The following ARHGAP26 variants were observed in gnomAD, a reference collection of about 807,000 sequenced individuals.
ARHGAP26 encodes the protein rho GTPase-activating protein 26.
A neutral mutation model predicts 104.8 loss-of-function variants in ARHGAP26; 38 were observed. The observed-to-expected ratio is 0.36, with a 90% CI of 0.28 to 0.48. The LOEUF is 0.48. Ranked by LOEUF, ARHGAP26 falls within the 20% of genes least tolerant of loss-of-function variation. The probability of loss-of-function intolerance (pLI) is 0.99; values close to 1 mark genes in which losing one functional copy is unlikely to be tolerated. For missense variants in ARHGAP26, 704 were observed against 947.9 expected, an observed-to-expected ratio of 0.74 and a Z score of 3.38; for synonymous variants, 341 against 340.0, an observed-to-expected ratio of 1.00 and a Z score of -0.03.
chr5:142,981,709 C>T (rs1013600865), intron 11 of ARHGAP26, among the ~76,000 whole-genome samples: 6 of 152,166 alleles, frequency 3.9e-5, no homozygotes, highest in Admixed American at 6.5e-5. Flanking sequence ...GGATTAATTG[C>T]GTCTTCCTTC....
chr5:142,900,305 C>A (rs28052), intron 6 of ARHGAP26, among the ~76,000 whole-genome samples: 2 of 151,914 alleles, frequency 1.3e-5, no homozygotes, highest in South Asian at 4.1e-4. Flanking sequence ...CTAGTGACTC[C>A]ATGGGGCTTA....
At chr5:142,803,218 A>G (rs1762393292) in intron 1 of ARHGAP26, among the ~76,000 whole-genome samples, 1 of 152,218 alleles carries the variant, frequency 6.6e-6, no homozygotes, top group African/African-American at 2.4e-5. Context: ...CACCCAGTAA[A>G]ATTTGAACTT....
intron 12 of ARHGAP26, among the ~76,000 whole-genome samples, chr5:143,035,626 A>G (rs550265102): frequency 1.3e-5 from 2 of 152,258 alleles, no homozygotes; most frequent in South Asian, 4.1e-4. Context: ...AAATCTCACA[A>G]GTCACCACTA....
intron 1 of ARHGAP26, among the ~76,000 whole-genome samples, chr5:142,847,594 T>C (rs1357739662): frequency 6.6e-6 from 1 of 152,176 alleles, no homozygotes; most frequent in Non-Finnish European, 1.5e-5. Context: ...GGACCTCAGG[T>C]GATCCGCCCA....
At chr5:143,142,451 T>G (rs1798671901) in intron 19 of ARHGAP26, among the ~76,000 whole-genome samples, 1 of 151,990 alleles carries the variant, frequency 6.6e-6, no homozygotes, top group African/African-American at 2.4e-5. Context: ...ACTTTTCAAC[T>G]CAATGTATAG....
intron 1 of ARHGAP26, among the ~76,000 whole-genome samples, chr5:142,820,389 C>G (rs1390771042): frequency 3.3e-5 from 5 of 152,090 alleles, no homozygotes; most frequent in South Asian, 2.1e-4. Flanking sequence ...TTTCTTTTCC[C>G]TGATCAGTCA....
chr5:143,126,804 A>G (rs1369668434), intron 18 of ARHGAP26, among the ~76,000 whole-genome samples: 1 of 152,190 alleles, frequency 6.6e-6, no homozygotes, highest in African/African-American at 2.4e-5. Context: ...CAGATGGCAA[A>G]GATTTTGGCT....
intron 17 of ARHGAP26, among the ~76,000 whole-genome samples, chr5:143,071,195 T>C (rs1028250914): frequency 2.6e-5 from 4 of 151,998 alleles, no homozygotes; most frequent in African/African-American, 9.7e-5. Flanking sequence ...AGAACAAAGC[T>C]AGAGGTATCA....
At chr5:142,806,970 C>T (rs1192970496) in intron 1 of ARHGAP26, among the ~76,000 whole-genome samples, 1 of 152,200 alleles carries the variant, frequency 6.6e-6, no homozygotes, top group South Asian at 2.1e-4. Flanking sequence ...GCACTGGATC[C>T]AAAGTGTGAA....
At chr5:142,826,631 C>G (rs1296524687) in intron 1 of ARHGAP26, among the ~76,000 whole-genome samples, 1 of 152,286 alleles carries the variant, frequency 6.6e-6, no homozygotes, top group East Asian at 1.9e-4. Context: ...TTCTCTCTCA[C>G]AGGATTTTAG....
At chr5:143,219,036 C>T (rs994447043) in intron 22 of ARHGAP26, among the ~76,000 whole-genome samples, 2 of 152,238 alleles carry the variant, frequency 1.3e-5, no homozygotes, top group East Asian at 3.8e-4. Flanking sequence ...GTGTGAAGTG[C>T]GTATTCGCAA....
chr5:143,088,986 C>G (rs1040064511), intron 17 of ARHGAP26, among the ~76,000 whole-genome samples: 1 of 151,660 alleles, frequency 6.6e-6, no homozygotes, highest in Non-Finnish European at 1.5e-5. Flanking sequence ...AGTAGGTAAT[C>G]GGAATGAGTC....
chr5:142,933,200 A>G (rs1311788622), intron 11 of ARHGAP26, among the ~76,000 whole-genome samples: 1 of 152,204 alleles, frequency 6.6e-6, no homozygotes, highest in Non-Finnish European at 1.5e-5. Context: ...ATTTGATGTC[A>G]AAGGCCTTTG....
chr5:142,932,590 C>T (rs1477131309), intron 11 of ARHGAP26, among the ~76,000 whole-genome samples: 2 of 152,182 alleles, frequency 1.3e-5, no homozygotes, highest in Non-Finnish European at 2.9e-5. Flanking sequence ...TCACTGTAGT[C>T]GTCTTATCTT....
At chr5:143,166,415 G>A (rs554684562) in intron 20 of ARHGAP26, among the ~76,000 whole-genome samples, 2 of 152,300 alleles carry the variant, frequency 1.3e-5, no homozygotes, top group Non-Finnish European at 2.9e-5. Flanking sequence ...GGACCAGAAT[G>A]GAGTGGAGTG....
intron 20 of ARHGAP26, among the ~76,000 whole-genome samples, chr5:143,174,110 A>G (rs1015490998): frequency 1.3e-5 from 2 of 152,226 alleles, no homozygotes; most frequent in African/African-American, 2.4e-5. Flanking sequence ...CAGGTAGAAC[A>G]AAATGTCAAT....
At chr5:143,042,012 C>T in intron 14 of ARHGAP26, 122 bp downstream of exon 14, 3 of 788,148 alleles carry the variant, frequency 3.8e-6, no homozygotes, top group Admixed American at 4.3e-5. Context: ...TGAGCTGTCA[C>T]CTAGAAGTCA....
Position 143,041,796 on chromosome 5 carries a change from A to T in ARHGAP26, c.1211-20A>T, listed in dbSNP as rs374320372. Reference sequence around the variant, plus strand: ...GTTCTGACGTGCCTCTAATTAAATCATCACTGTTTCTTTCCTCAGGGATCA... The same window carrying T: ...GTTCTGACGTGCCTCTAATTAAATCTTCACTGTTTCTTTCCTCAGGGATCA... On this transcript the variant is annotated intron_variant, in intron 13 of 22. Coordinates refer to ENST00000645722, the MANE Select transcript of ARHGAP26 (RefSeq NM_001135608.3). 2.6e-5 allele frequency: 42 copies of T among 1,598,958 alleles called. 1 individual carries two copies. The highest frequency in any genetic ancestry group is 3.3e-5 in the Non-Finnish European group (39 of 1,170,898).
At chr5:142,898,250 A>T (rs139327280) in intron 6 of ARHGAP26, among the ~76,000 whole-genome samples, 2 of 152,178 alleles carry the variant, frequency 1.3e-5, no homozygotes, top group East Asian at 3.9e-4. Flanking sequence ...ATGTATATGT[A>T]TGTATATATT....
Sources: allele counts gnomAD v4.1 joint callset (sites outside exome capture counted in the v4.1 genomes callset), GRCh38; gene constraint gnomAD v4.1.1; transcripts MANE v1.5; gene names NCBI Gene and HGNC (gene_info 2026-07-23, HGNC 2026-07-21).